The following GNL2 variants were observed in gnomAD, a reference collection of about 807,000 sequenced individuals.
The protein encoded by GNL2 is G protein nucleolar 2.
In GNL2, 51 loss-of-function variants were observed where a neutral mutation model predicts 92.3. That is an observed-to-expected ratio of 0.55 (90% CI 0.44 to 0.70). The LOEUF (loss-of-function observed/expected upper bound fraction) is 0.70, where lower values mean the gene tolerates loss of function less well. GNL2 is among the 30% of genes least tolerant of loss of function. GNL2 has a pLI of 0.00. For missense variants in GNL2, 844 were observed against 895.6 expected, an observed-to-expected ratio of 0.94 and a Z score of 0.74; for synonymous variants, 283 against 300.6, an observed-to-expected ratio of 0.94 and a Z score of 0.61.
chr1:37,570,736 C>T (rs1258174452), intron 12 of GNL2: 1 of 152,070 alleles, frequency 6.6e-6, no homozygotes, highest in Non-Finnish European at 1.5e-5. Flanking sequence ...TGCATCATCA[C>T]AAAACAGACT....
In GNL2 at chr1:37,582,217, C is replaced by T; in HGVS notation, c.909+6G>A. The T allele has an allele frequency of 6.3e-7, 1 of 1,580,226 alleles. No homozygotes were observed. Among genetic ancestry groups the T allele is most frequent in the Non-Finnish European group, 8.7e-7 (1 of 1,151,390 alleles). ...ACTCCAGGAGAAACAGATCAGGGCT[C>T]AATACCTTTCCAAACTGCCGCAGAA... On this transcript the variant is annotated splice_donor_region_variant and intron_variant, in intron 8 of 15. Transcript: ENST00000373062.
intron 5 of GNL2, among the ~76,000 whole-genome samples, chr1:37,586,895 A>G (rs1308301341): frequency 6.6e-6 from 1 of 152,192 alleles, no homozygotes; most frequent in Non-Finnish European, 1.5e-5. Context: ...TAAAGCACTG[A>G]GCTTCACACA....
chr1:37,595,740 T>C lies in GNL2; in HGVS notation c.64+19A>G, dbSNP rs1171619850. 1 of 1,611,730 alleles carries C rather than the reference T, an allele frequency of 6.2e-7. No homozygotes were observed. Among genetic ancestry groups the C allele is most frequent in the African/African-American group, 1.3e-5 (1 of 74,898 alleles). On this transcript the variant is annotated intron_variant, in intron 1 of 15. Transcript: ENST00000373062. ...TACTTCCTCCAAGCTCCACCCTCGA[T>C]CAGCCCTGCCGCCTGTACCTGGGTT...
chr1:37,594,986 G>C (rs1374236979), intron 1 of GNL2, among the ~76,000 whole-genome samples: 1 of 152,204 alleles, frequency 6.6e-6, no homozygotes, highest in East Asian at 1.9e-4. Flanking sequence ...ATTATGACAG[G>C]CCACTTCCTG....
intron 4 of GNL2, among the ~76,000 whole-genome samples, chr1:37,589,836 CCCTT>C (rs1643877637): frequency 6.6e-6 from 1 of 152,156 alleles, no homozygotes; most frequent in Admixed American, 6.5e-5. Context: ...TGACCAGCAC[CCCTT>C]CCTTCAGCTG....
intron 13 of GNL2, 73 bp from the exon 14 acceptor site, chr1:37,568,430 C>A: frequency 3.2e-6 from 3 of 940,758 alleles, no homozygotes; most frequent in South Asian, 2.7e-5. Flanking sequence ...AGACCTGCGA[C>A]AAACTCACAG....
chr1:37,582,402 C>A, intron 7 of GNL2, 66 bp from the exon 8 acceptor site: 2 of 924,216 alleles, frequency 2.2e-6, no homozygotes, highest in South Asian at 3.2e-5. Flanking sequence ...GTGGAAGAAT[C>A]AGAGCTTGAA....
At position 37,569,080 on chromosome 1, in the gene GNL2, G is replaced by A. The variant is rs1643554930; in HGVS notation, c.1639C>T (p.Leu547=). Residue 547 remains leucine, a synonymous_variant, in exon 13 of 16, where the codon CTG becomes TTG. Transcript: ENST00000373062. ...AGATCTGACACCTCCACAGGAACCA[G>A]GTCATCCCCAGAAAACTGAGGCACC... ...NVVPQFSGDD[L]VPVEVSDLEE... is the part of the protein sequence containing the mutation. 1.2e-6 allele frequency: 2 copies of A among 1,613,984 alleles called. No individual in the cohort carries two copies. The highest frequency in any genetic ancestry group is 1.3e-5 in the African/African-American group (1 of 74,902).
Position 37,574,769 on chromosome 1 carries a change from G to T in GNL2, c.1198C>A (p.Arg400=). ...TTGCTGATATATTCTGGCTTTGCTC[G>T]TTCAAGTACAGCACCAATGTGGTCT... The part of the protein sequence containing the change: ...PEDHIGAVLE[R]AKPEYISKTY... The change falls in exon 11 of 16, where the codon CGA becomes AGA. Residue 400 remains arginine (R), a synonymous_variant. Transcript: ENST00000373062. 1 of 1,613,338 alleles carries T rather than the reference G, an allele frequency of 6.2e-7. No homozygotes were observed. The highest frequency in any genetic ancestry group is 8.5e-7 in the Non-Finnish European group (1 of 1,179,272).
In GNL2 at chr1:37,593,757, C is replaced by T. The variant is rs1354355376; in HGVS notation, c.149+5G>A. The T allele has an allele frequency of 6.2e-7, 1 of 1,607,338 alleles. No homozygotes were observed. The highest frequency in any genetic ancestry group is 1.7e-5 in the Admixed American group (1 of 59,936). Reference sequence around the variant, plus strand: ...AGAGAAAGGATGACAGCACCCAGTGCTCACCTGCGCTCCTTTTGCCTATAC... The same window carrying T: ...AGAGAAAGGATGACAGCACCCAGTGTTCACCTGCGCTCCTTTTGCCTATAC... On this transcript the variant is annotated splice_donor_5th_base_variant and intron_variant, in intron 2 of 15. Coordinates refer to ENST00000373062, the MANE Select transcript of GNL2 (RefSeq NM_013285.3).
intron 11 of GNL2, 97 bp downstream of exon 11, chr1:37,574,568 C>T: frequency 5.8e-6 from 8 of 1,384,050 alleles, no homozygotes; most frequent in Non-Finnish European, 8.2e-6. Context: ...TGACAAGTTT[C>T]ACACTGCTCA....
chr1:37,568,824 C>A lies in GNL2; in HGVS notation c.1868+27G>T, dbSNP rs568072781. 6 of 1,563,874 alleles carry A rather than the reference C, an allele frequency of 3.8e-6. No homozygotes were observed. The South Asian group carries it at 5.7e-5, about 15-fold the overall frequency. The stretch of plus-strand genomic sequence containing the variant: ...TTTTTGGGAAAGGAATGAAAATCTG[C>A]AATTTGTGAGAAGATGAAAATATTA... On this transcript the variant is annotated intron_variant, in intron 13 of 15. Coordinates refer to ENST00000373062, the MANE Select transcript of GNL2 (RefSeq NM_013285.3).
At chr1:37,591,411 A>G (rs890740932) in intron 3 of GNL2, among the ~76,000 whole-genome samples, 4 of 152,228 alleles carry the variant, frequency 2.6e-5, no homozygotes, top group Admixed American at 2.0e-4. Flanking sequence ...CATAAATGCA[A>G]AACAGCAAGG....
chr1:37,579,230 GTGAC>G (rs1313129976), intron 8 of GNL2, among the ~76,000 whole-genome samples: 1 of 152,174 alleles, frequency 6.6e-6, no homozygotes, highest in Non-Finnish European at 1.5e-5. Flanking sequence ...AATAAATTTT[GTGAC>G]TGGGCAGCTG....
chr1:37,593,358 G>A (rs756145124), intron 2 of GNL2: 22 of 174,056 alleles, frequency 1.3e-4, no homozygotes, highest in Admixed American at 9.2e-4. Flanking sequence ...AGCAGAACTC[G>A]GAGTTTTGAT....
At position 37,582,331 on chromosome 1, in the gene GNL2, C is replaced by T. The variant is rs755020182; in HGVS notation, c.801G>A (p.Arg267=). 1 of 1,603,050 alleles carries T rather than the reference C, an allele frequency of 6.2e-7. No individual in the cohort carries two copies. Among genetic ancestry groups the T allele is most frequent in the Non-Finnish European group, 8.5e-7 (1 of 1,173,388 alleles). Residue 267 remains arginine, a synonymous_variant, in exon 8 of 16, where the codon CGG becomes CGA. Transcript: ENST00000373062. Reference sequence around the variant, plus strand: ...AATCCTGGGAGAGGACAGCAACCCACCGTTTCTAGAAGGAGAGATGAAAAC... The same window carrying T: ...AATCCTGGGAGAGGACAGCAACCCATCGTTTCTAGAAGGAGAGATGAAAAC... ...CDLVPTWATK[R]WVAVLSQDYP...
rs377430437 is a variant in GNL2 at position 37,576,009 on chromosome 1, C to T, written c.1039-310G>A. On this transcript the variant is annotated intron_variant, in intron 9 of 15. Coordinates refer to ENST00000373062, the MANE Select transcript of GNL2 (RefSeq NM_013285.3). ...TAGAAGTACTCTTGAGAGCTTAGTA[C>T]TGCTTGACCTCATTGCCTTTAAGCA... is the stretch of plus-strand genomic sequence containing the variant. Among the ~76,000 whole-genome samples, 18 of 152,312 alleles carry T rather than the reference C, an allele frequency of 1.2e-4. No homozygotes were observed. In the East Asian group the frequency reaches 3.5e-3, roughly 29 times the overall value.
In GNL2 at chr1:37,582,938, TG is replaced by T. The variant is rs1643796092; in HGVS notation, c.637-3del. 1.2e-6 allele frequency: 2 copies of T among 1,606,450 alleles called. No homozygotes were observed. The highest frequency in any genetic ancestry group is 1.3e-5 in the African/African-American group (1 of 74,526). On this transcript the variant is annotated splice_polypyrimidine_tract_variant and splice_region_variant and intron_variant, in intron 6 of 15. Transcript: ENST00000373062. Reference sequence around the variant, plus strand: ...TACAACATCTGATGAATCTATCACCTGAAAATTCAGAAAGGCAAAAATGGTT... The same window carrying T: ...TACAACATCTGATGAATCTATCACCTAAAATTCAGAAAGGCAAAAATGGTT...
chr1:37,582,916 A>C lies in GNL2; in HGVS notation c.657T>G (p.Val219=). The C allele has an allele frequency of 1.2e-6, 2 of 1,612,900 alleles. No individual in the cohort carries two copies. The highest frequency in any genetic ancestry group is 1.7e-6 in the Non-Finnish European group (2 of 1,179,226). ...CTCTAGCATCAAGAACTTGAACTAC[A>C]ACATCTGATGAATCTATCACCTGAA... The part of the protein sequence containing the change: ...ELYKVIDSSD[V]VVQVLDARDP... Residue 219 remains valine, a synonymous_variant, in exon 7 of 16, where the codon GTT becomes GTG. Transcript: ENST00000373062.
Sources: gnomAD v4.1 joint callset for allele counts (sites outside exome capture counted in the v4.1 genomes callset) on GRCh38, gnomAD v4.1.1 for gene constraint, MANE v1.5 for transcripts, NCBI Gene and HGNC (gene_info 2026-07-23, HGNC 2026-07-21) for gene names.